The following SUCLG2 variants were observed in gnomAD, a reference collection of about 807,000 sequenced individuals.
SUCLG2 encodes the protein succinate-CoA ligase GDP-forming subunit beta.
A neutral mutation model predicts 47.9 loss-of-function variants in SUCLG2; 42 were observed. The ratio of observed to expected loss-of-function variants is 0.88; its 90% CI spans 0.69 to 1.14. SUCLG2 has a LOEUF of 1.14. Ranked by LOEUF, SUCLG2 falls within the 50% of genes most tolerant of loss-of-function variation. The probability of loss-of-function intolerance (pLI) is 0.00; values close to 1 mark genes in which losing one functional copy is unlikely to be tolerated. For missense variants in SUCLG2, 571 were observed against 525.9 expected, an observed-to-expected ratio of 1.09 and a Z score of -0.84; for synonymous variants, 195 against 197.3, an observed-to-expected ratio of 0.99 and a Z score of 0.10.
intron 10 of SUCLG2, among the ~76,000 whole-genome samples, chr3:67,396,689 T>C (rs1022686170): frequency 6.6e-6 from 1 of 152,166 alleles, no homozygotes; most frequent in Non-Finnish European, 1.5e-5. Flanking sequence ...AGCATCATCC[T>C]GATACCAAAG....
chr3:67,433,225 A>T (rs1442763722), intron 9 of SUCLG2, among the ~76,000 whole-genome samples: 1 of 152,174 alleles, frequency 6.6e-6, no homozygotes, highest in Non-Finnish European at 1.5e-5. Context: ...GAAAAACCCT[A>T]AAGTTGACCT....
intron 1 of SUCLG2, among the ~76,000 whole-genome samples, chr3:67,615,251 A>AG (rs1559597713): frequency 8.2e-6 from 1 of 121,852 alleles, no homozygotes; most frequent in Admixed American, 7.4e-5. Context: ...ACAGCTACAC[A>AG]GAAAAAAAAA....
intron 9 of SUCLG2, among the ~76,000 whole-genome samples, chr3:67,425,790 C>A (rs534268188): frequency 6.6e-6 from 1 of 152,134 alleles, no homozygotes; most frequent in East Asian, 1.9e-4. Context: ...TCTTATTTGT[C>A]CTGTTTGGTG....
chr3:67,371,832 C>T (rs1031721566), downstream of SUCLG2, among the ~76,000 whole-genome samples: 5 of 152,126 alleles, frequency 3.3e-5, no homozygotes, highest in Admixed American at 6.6e-5. Flanking sequence ...AATCCTGACT[C>T]GCCACATGCT....
downstream of SUCLG2, among the ~76,000 whole-genome samples, chr3:67,371,346 A>T (rs562728234): frequency 6.6e-6 from 1 of 152,234 alleles, no homozygotes; most frequent in Admixed American, 6.5e-5. Context: ...AAAATATGAG[A>T]TAAGACTGCC....
chr3:67,620,541 C>T (rs1700716157), intron 1 of SUCLG2, among the ~76,000 whole-genome samples: 1 of 127,462 alleles, frequency 7.8e-6, no homozygotes, highest in African/African-American at 3.1e-5. Context: ...AACGAGAATG[C>T]ACCATTGGAC....
At chr3:67,420,395 T>C (rs1703130018) in intron 9 of SUCLG2, among the ~76,000 whole-genome samples, 1 of 152,198 alleles carries the variant, frequency 6.6e-6, no homozygotes, top group Non-Finnish European at 1.5e-5. Context: ...CAAAAACAAA[T>C]TTGGCTGTAT....
At chr3:67,368,133 C>A (rs1007951069) in intron 10 of SUCLG2, among the ~76,000 whole-genome samples, 2 of 152,144 alleles carry the variant, frequency 1.3e-5, no homozygotes, top group Admixed American at 6.5e-5. Context: ...GAAACACATT[C>A]TTCCCCTAAA....
chr3:67,417,519 A>G (rs1215900858), intron 9 of SUCLG2, among the ~76,000 whole-genome samples: 2 of 152,258 alleles, frequency 1.3e-5, no homozygotes, highest in Admixed American at 6.5e-5. Flanking sequence ...GTGCGACACG[A>G]TGCCTACAAT....
intron 2 of SUCLG2, among the ~76,000 whole-genome samples, chr3:67,586,687 G>A (rs1209190354): frequency 6.6e-6 from 1 of 152,136 alleles, no homozygotes; most frequent in East Asian, 1.9e-4. Flanking sequence ...ACCAAAGTTC[G>A]TTGCTTTTGG....
At chr3:67,651,019 C>CT (rs1366480335) in intron 1 of SUCLG2, among the ~76,000 whole-genome samples, 6 of 152,166 alleles carry the variant, frequency 3.9e-5, no homozygotes. Flanking sequence ...TTTCACTTGG[C>CT]TATATGGACA....
At chr3:67,443,283 TCGGAC>T (rs150573567) in intron 9 of SUCLG2, among the ~76,000 whole-genome samples, 1 of 90,446 alleles carries the variant, frequency 1.1e-5, no homozygotes, top group Non-Finnish European at 2.6e-5. Context: ...AAATTAGATC[TCGGAC>T]CGCCGGGAGG....
chr3:67,651,435 C>A lies in SUCLG2; in HGVS notation c.84+3068G>T, dbSNP rs1701283295. On this transcript the variant is annotated intron_variant, in intron 1 of 10. Coordinates refer to ENST00000307227, the MANE Select transcript of SUCLG2 (RefSeq NM_003848.4). ...CCCCTTAGTCTCACCTAGCTGGCTA[C>A]CTTTCATCGCTCAGGTCTCAGCTCA... 2.0e-5 allele frequency among the ~76,000 whole-genome samples: 3 copies of A among 152,228 alleles called. No individual in the cohort carries two copies. In the South Asian group the frequency reaches 6.2e-4, roughly 32 times the overall value.
intron 2 of SUCLG2, among the ~76,000 whole-genome samples, chr3:67,574,421 T>C (rs1575788883): frequency 6.6e-6 from 1 of 152,224 alleles, no homozygotes; most frequent in African/African-American, 2.4e-5. Context: ...AAATAAATTC[T>C]TACATTTATA....
intron 9 of SUCLG2, among the ~76,000 whole-genome samples, chr3:67,442,232 G>A (rs1228365009): frequency 6.6e-6 from 1 of 151,880 alleles, no homozygotes; most frequent in Non-Finnish European, 1.5e-5. Flanking sequence ...GGATGGTCTC[G>A]ATCTCCTGAC....
At chr3:67,637,125 G>A (rs575449557) in intron 1 of SUCLG2, among the ~76,000 whole-genome samples, 12 of 152,232 alleles carry the variant, frequency 7.9e-5, no homozygotes, top group Non-Finnish European at 1.8e-4. Context: ...GAAGAATAAG[G>A]ACAGATTTGT....
chr3:67,481,463 T>G (rs1704913921), intron 9 of SUCLG2, among the ~76,000 whole-genome samples: 1 of 152,208 alleles, frequency 6.6e-6, no homozygotes, highest in Non-Finnish European at 1.5e-5. Context: ...TGGACTGTAG[T>G]TTGTCTGTCC....
chr3:67,409,421 T>C, intron 9 of SUCLG2, among the ~76,000 whole-genome samples: 1 of 152,172 alleles, frequency 6.6e-6, no homozygotes. Flanking sequence ...GGCAGTGGAA[T>C]GGCCACTGGT....
intron 10 of SUCLG2, among the ~76,000 whole-genome samples, chr3:67,364,841 C>A (rs1187628333): frequency 1.3e-5 from 2 of 152,074 alleles, no homozygotes; most frequent in Non-Finnish European, 2.9e-5. Flanking sequence ...ACGGAGATGA[C>A]AGGAATGGCA....
Sources: gnomAD v4.1 joint callset for allele counts (sites outside exome capture counted in the v4.1 genomes callset) on GRCh38, gnomAD v4.1.1 for gene constraint, MANE v1.5 for transcripts, NCBI Gene and HGNC (gene_info 2026-07-23, HGNC 2026-07-21) for gene names.